The following MTMR7 variants were observed in gnomAD, a reference collection of about 807,000 sequenced individuals.
MTMR7 encodes phosphatidylinositol-3-phosphate phosphatase MTMR7.
In MTMR7, 76 loss-of-function variants were observed where a neutral mutation model predicts 81.2. The ratio of observed to expected loss-of-function variants is 0.94; its 90% CI spans 0.78 to 1.13. MTMR7 has a LOEUF of 1.13. Among genes scored for constraint, MTMR7 ranks in the 50% most tolerant of loss-of-function variants. The pLI is 0.00. For synonymous variants in MTMR7, 372 were observed against 289.8 expected (o/e 1.28, Z -2.88); for missense variants, 1,044 against 820.0 (o/e 1.27, Z -3.34).
At chr8:17,322,479 G>A (rs914257485) in intron 7 of MTMR7, among the ~76,000 whole-genome samples, 12 of 152,148 alleles carry the variant, frequency 7.9e-5, no homozygotes, top group African/African-American at 2.9e-4. Context: ...CACGTGGTAA[G>A]GAAAAGTGAG....
intron 7 of MTMR7, among the ~76,000 whole-genome samples, chr8:17,327,437 A>ATT (rs33921834): frequency 4.2e-4 from 63 of 151,260 alleles, no homozygotes; most frequent in Admixed American, 3.2e-3. Flanking sequence ...CGCCTGGTTG[A>ATT]TTTTTTTTAT....
intron 3 of MTMR7, among the ~76,000 whole-genome samples, chr8:17,364,612 A>G (rs183084857): frequency 4.4e-4 from 66 of 151,402 alleles, no homozygotes; most frequent in African/African-American, 1.6e-3. Flanking sequence ...CCACCATTCT[A>G]CTCTCTGCTT....
chr8:17,301,057 G>A (rs969884858), intron 13 of MTMR7, among the ~76,000 whole-genome samples: 4 of 152,244 alleles, frequency 2.6e-5, no homozygotes, highest in East Asian at 1.9e-4. Context: ...AATACATTTC[G>A]CCAGATTTCA....
chr8:17,333,366 A>G (rs1205852034), intron 6 of MTMR7, among the ~76,000 whole-genome samples: 7 of 152,260 alleles, frequency 4.6e-5, no homozygotes, highest in South Asian at 2.1e-4. Flanking sequence ...CTAATAAAAT[A>G]TCACTGCTTT....
chr8:17,389,762 A>T (rs1438972538), intron 1 of MTMR7, among the ~76,000 whole-genome samples: 1 of 152,216 alleles, frequency 6.6e-6, no homozygotes, highest in Non-Finnish European at 1.5e-5. Flanking sequence ...GACGGGGAAA[A>T]AATAAAACAA....
At chr8:17,322,967 T>TTTTTTTTTTTA (rs1818477811) in intron 7 of MTMR7, among the ~76,000 whole-genome samples, 1 of 150,500 alleles carries the variant, frequency 6.6e-6, no homozygotes. Context: ...TTTTTTTTTT[T>TTTTTTTTTTTA]GAGACAGTCT....
chr8:17,375,965 G>C (rs1175740871), intron 1 of MTMR7, among the ~76,000 whole-genome samples: 1 of 152,032 alleles, frequency 6.6e-6, no homozygotes, highest in East Asian at 1.9e-4. Flanking sequence ...ATGGTTTTTA[G>C]CACATTCACA....
chr8:17,384,083 G>T (rs1005244524), intron 1 of MTMR7, among the ~76,000 whole-genome samples: 1 of 152,028 alleles, frequency 6.6e-6, no homozygotes, highest in Non-Finnish European at 1.5e-5. Flanking sequence ...GTGAGAGAGG[G>T]GAAAAAAGCA....
At chr8:17,342,195 T>C (rs1193955683) in intron 5 of MTMR7, among the ~76,000 whole-genome samples, 1 of 152,170 alleles carries the variant, frequency 6.6e-6, no homozygotes, top group East Asian at 1.9e-4. Flanking sequence ...AGCAGAAACA[T>C]TTCCCTGAGT....
At chr8:17,384,315 G>A (rs1179198990) in intron 1 of MTMR7, among the ~76,000 whole-genome samples, 1 of 152,176 alleles carries the variant, frequency 6.6e-6, no homozygotes, top group Non-Finnish European at 1.5e-5. Context: ...GGAGGCTGAA[G>A]TGGGCAGATG....
intron 9 of MTMR7, among the ~76,000 whole-genome samples, chr8:17,310,631 G>A (rs1421077893): frequency 6.6e-6 from 1 of 152,134 alleles, no homozygotes; most frequent in African/African-American, 2.4e-5. Context: ...AGGTGTCAAT[G>A]CTATCACAGG....
Position 17,299,988 on chromosome 8 carries a change from G to C in MTMR7, c.1857C>G (p.Ala619=). ...CCACCCCGGACTCTTGGTCACTGTTGGCTGACAGATCTGGATCTGAACTTT... is the reference window on the plus strand; with the variant it reads ...CCACCCCGGACTCTTGGTCACTGTTCGCTGACAGATCTGGATCTGAACTTT... The part of the protein sequence containing the change: ...NLKSSDPDLS[A]NSDQESGVED... Residue 619 remains alanine, a synonymous_variant, in exon 14 of 14, where the codon GCC becomes GCG. Coordinates refer to ENST00000180173, the MANE Select transcript of MTMR7 (RefSeq NM_004686.5). The C allele has an allele frequency of 6.2e-7, 1 of 1,614,082 alleles. No homozygotes were observed. The highest frequency in any genetic ancestry group is 8.5e-7 in the Non-Finnish European group (1 of 1,180,018).
At chr8:17,377,752 A>G (rs974727800) in intron 1 of MTMR7, among the ~76,000 whole-genome samples, 5 of 152,120 alleles carry the variant, frequency 3.3e-5, no homozygotes, top group African/African-American at 7.2e-5. Context: ...TAGATGGTCT[A>G]TAATTGCACT....
At chr8:17,337,341 G>A (rs1819272346) in intron 6 of MTMR7, among the ~76,000 whole-genome samples, 1 of 149,496 alleles carries the variant, frequency 6.7e-6, no homozygotes, top group Non-Finnish European at 1.5e-5. Flanking sequence ...CTCCAGCCTG[G>A]GGGCGAGTAA....
intron 1 of MTMR7, among the ~76,000 whole-genome samples, chr8:17,394,654 T>G (rs1350516135): frequency 5.3e-5 from 8 of 152,202 alleles, no homozygotes; most frequent in Non-Finnish European, 2.9e-5. Flanking sequence ...AAAAACTACT[T>G]AAATGTATAC....
chr8:17,319,118 C>T (rs1051956232), intron 7 of MTMR7, among the ~76,000 whole-genome samples: 2 of 152,178 alleles, frequency 1.3e-5, no homozygotes, highest in East Asian at 1.9e-4. Flanking sequence ...TCATGATATA[C>T]GCATGGGCAA....
chr8:17,300,291 T>C lies in MTMR7; in HGVS notation c.1621-67A>G, dbSNP rs985463558. ...ACTTATCTTTTTCTATATATGCATG[T>C]CTTTAGCATTTGTTACCTCCCACGT... is the stretch of plus-strand genomic sequence containing the variant. On this transcript the variant is annotated intron_variant, in intron 13 of 13. Transcript: ENST00000180173. 12 of 1,478,692 alleles carry C rather than the reference T, an allele frequency of 8.1e-6. No individual in the cohort carries two copies. The East Asian group carries it at 2.1e-4, about 25-fold the overall frequency. The allele number at this position is 1,478,692 out of a possible 1,614,324, so 91.6% of individuals were successfully genotyped here. A position where few individuals can be genotyped will look rare whatever the true frequency, so the allele number is the denominator to read the frequency against.
intron 1 of MTMR7, among the ~76,000 whole-genome samples, chr8:17,383,006 G>C (rs1342017380): frequency 4.0e-5 from 6 of 151,036 alleles, no homozygotes; most frequent in South Asian, 2.1e-4. Flanking sequence ...CTTGAGAGCG[G>C]CTGGTGTTCC....
intron 4 of MTMR7, among the ~76,000 whole-genome samples, 163 bp downstream of exon 4, chr8:17,360,954 C>T (rs1820041816): frequency 1.3e-5 from 2 of 152,050 alleles, no homozygotes; most frequent in Admixed American, 1.3e-4. Context: ...ATTCTAGGTC[C>T]AGGTTGTAAA....
Sources: gnomAD v4.1 joint callset for allele counts (sites outside exome capture counted in the v4.1 genomes callset) on GRCh38, gnomAD v4.1.1 for gene constraint, MANE v1.5 for transcripts, NCBI Gene and HGNC (gene_info 2026-07-23, HGNC 2026-07-21) for gene names.